Variants in LRCH2 observed in about 807,000 individuals in gnomAD.
LRCH2 encodes leucine rich repeats and calponin homology domain containing 2, also known as leucine-rich repeat and calponin homology domain-containing protein 2.
LRCH2 carries 38 observed loss-of-function variants against 68.9 expected under a neutral mutation model. That is an observed-to-expected ratio of 0.55 (90% CI 0.43 to 0.72). LRCH2 has a LOEUF of 0.72. Ranked by LOEUF, LRCH2 falls within the 30% of genes least tolerant of loss-of-function variation. The pLI is 0.00. For synonymous variants in LRCH2, 191 were observed against 208.1 expected (o/e 0.92, Z 0.71); for missense variants, 528 against 572.9 (o/e 0.92, Z 0.80).
intron 2 of LRCH2, among the ~76,000 whole-genome samples, chrX:115,187,437 G>C (rs1231962587): frequency 8.9e-6 from 1 of 111,968 alleles, no homozygotes; most frequent in African/African-American, 3.3e-5. Flanking sequence ...CTTACTGAGT[G>C]TTCATTCTTT....
intron 20 of LRCH2, among the ~76,000 whole-genome samples, chrX:115,121,027 G>C (rs1341272851): frequency 1.1e-4 from 11 of 104,314 alleles, no homozygotes; most frequent in Admixed American, 4.2e-4. Flanking sequence ...GTTGTGGGGT[G>C]GGGGGAGGCG....
intron 1 of LRCH2, among the ~76,000 whole-genome samples, chrX:115,202,282 T>C (rs2072935914): frequency 8.9e-6 from 1 of 111,847 alleles, no homozygotes; most frequent in Admixed American, 9.5e-5. Flanking sequence ...AAATATCACA[T>C]GTTGTCACTC....
chrX:115,163,568 G>A (rs1404235337), intron 11 of LRCH2, 108 bp downstream of exon 11: 5 of 496,102 alleles, frequency 1.0e-5, no homozygotes, highest in Non-Finnish European at 1.6e-5. Flanking sequence ...TAGATCTTAA[G>A]AGGGCACTAT....
intron 16 of LRCH2, among the ~76,000 whole-genome samples, chrX:115,125,865 CTA>C (rs1556527897): frequency 9.3e-6 from 1 of 107,505 alleles, no homozygotes; most frequent in Non-Finnish European, 1.9e-5. Flanking sequence ...AAATTGTTTT[CTA>C]AAAGTGTGTA....
At chrX:115,164,004 CA>C (rs1556543319) in intron 10 of LRCH2, among the ~76,000 whole-genome samples, 8 of 111,688 alleles carry the variant, frequency 7.2e-5, no homozygotes. Context: ...TAATGACTAA[CA>C]AATAATAGCA....
intron 20 of LRCH2, among the ~76,000 whole-genome samples, chrX:115,118,039 A>G (rs1389278908): frequency 9.0e-6 from 1 of 110,778 alleles, no homozygotes; most frequent in Non-Finnish European, 1.9e-5. Context: ...AAAGCAATGA[A>G]GCTAAAAATA....
intron 1 of LRCH2, among the ~76,000 whole-genome samples, chrX:115,222,743 T>C (rs1230352473): frequency 8.9e-6 from 1 of 112,237 alleles, no homozygotes; most frequent in Non-Finnish European, 1.9e-5. Context: ...ATTGGACAAC[T>C]TAATATTGAT....
At position 115,189,840 on chromosome X, in the gene LRCH2, C is replaced by T. The variant is rs782465138; in HGVS notation, c.350-1470G>A. 5.0e-4 allele frequency: 582 copies of T among 1,166,308 alleles called. No individual in the cohort carries two copies. In the African/African-American group the frequency reaches 8.7e-3, roughly 18 times the overall value. On this transcript the variant is annotated intron_variant, in intron 1 of 20. Coordinates refer to ENST00000317135, the MANE Select transcript of LRCH2 (RefSeq NM_020871.4). ...GCAGGCCTGATGACGGCCGCGGCTA[C>T]GCGGGGTATTTCGACCTGTGGCCCT...
intron 1 of LRCH2, among the ~76,000 whole-genome samples, chrX:115,212,143 G>T (rs116386098): frequency 0.1 from 11,554 of 111,151 alleles, 463 homozygotes; most frequent in African/African-American, 0.11. Context: ...GATGCTAGCA[G>T]AAGACATGAG....
intron 5 of LRCH2, among the ~76,000 whole-genome samples, chrX:115,177,844 C>T (rs1470510008): frequency 1.9e-5 from 2 of 106,995 alleles, no homozygotes; most frequent in Non-Finnish European, 3.8e-5. Flanking sequence ...CTCCCTGTGT[C>T]CATGTGTTCT....
chrX:115,169,222 T>C (rs916220394), intron 6 of LRCH2, among the ~76,000 whole-genome samples: 1 of 111,903 alleles, frequency 8.9e-6, no homozygotes, highest in Non-Finnish European at 1.9e-5. Flanking sequence ...CTCCACTACA[T>C]TGTGAGCACC....
intron 1 of LRCH2, among the ~76,000 whole-genome samples, chrX:115,204,773 A>G (rs193050981): frequency 2.5e-3 from 278 of 111,569 alleles, no homozygotes; most frequent in African/African-American, 8.3e-3. Context: ...TATCACTATC[A>G]CATTTTGGTC....
chrX:115,184,287 T>C (rs1470115357), intron 3 of LRCH2, 124 bp downstream of exon 3: 1 of 524,837 alleles, frequency 1.9e-6, no homozygotes, highest in Non-Finnish European at 2.8e-6. Flanking sequence ...TTACTGAATT[T>C]AGACATATAC....
At chrX:115,192,764 C>G (rs2072855829) in intron 1 of LRCH2, 1 of 715,136 alleles carries the variant, frequency 1.4e-6, no homozygotes. Flanking sequence ...TTAAGAATTT[C>G]CTGTTAAGAT....
At chrX:115,143,443 A>C (rs2147365714) in intron 14 of LRCH2, among the ~76,000 whole-genome samples, 1 of 111,680 alleles carries the variant, frequency 9.0e-6, no homozygotes, top group East Asian at 2.8e-4. Context: ...AGAAATCCAA[A>C]ATGTGAACAG....
intron 1 of LRCH2, 141 bp from the exon 2 acceptor site, chrX:115,188,511 T>C (rs2072751158): frequency 2.4e-6 from 1 of 419,107 alleles, no homozygotes; most frequent in Non-Finnish European, 3.8e-6. Context: ...CATCAATACC[T>C]TGAAGGCAAA....
intron 11 of LRCH2, among the ~76,000 whole-genome samples, chrX:115,161,135 C>A (rs888063380): frequency 7.2e-5 from 8 of 111,216 alleles, no homozygotes. Context: ...GGTGGAACCC[C>A]TGAGGCCAGG....
At chrX:115,176,812 T>C (rs1291258709) in intron 5 of LRCH2, among the ~76,000 whole-genome samples, 1 of 105,944 alleles carries the variant, frequency 9.4e-6, no homozygotes, top group Non-Finnish European at 1.9e-5. Context: ...AGTGGCACGA[T>C]CTTGGCTCAC....
chrX:115,188,257 T>G lies in LRCH2; in HGVS notation c.463A>C (p.Asn155His), dbSNP rs1421607350. 8.5e-7 allele frequency: 1 copy of G among 1,173,586 alleles called. No homozygotes were observed. The highest frequency in any genetic ancestry group is 1.8e-5 in the African/African-American group (1 of 56,219). The change falls in exon 2 of 21, where the codon AAT (asparagine) becomes CAT (histidine). Residue 155 changes from asparagine to histidine, a missense_variant. Asn to His is a moderately conservative substitution (Grantham distance 68). Transcript: ENST00000317135. ...TTAAGGTATGTTAACATCTGCAGAT[T>G]TTTAATGGCTTCAGGAATGGTTTTG... ...CIKTIPEAIKNLQMLTYLNIS... is the reference protein window; with the variant it reads ...CIKTIPEAIKHLQMLTYLNIS...
Sources: allele counts gnomAD v4.1 joint callset (sites outside exome capture counted in the v4.1 genomes callset), GRCh38; gene constraint gnomAD v4.1.1; transcripts MANE v1.5; gene names NCBI Gene and HGNC (gene_info 2026-07-23, HGNC 2026-07-21).